Variants in FANCC observed in about 807,000 individuals in gnomAD.
FANCC encodes the protein Fanconi anemia group C protein.
A neutral mutation model predicts 71.3 loss-of-function variants in FANCC; 55 were observed. The observed-to-expected ratio is 0.77, with a 90% confidence interval of 0.62 to 0.97. The LOEUF is 0.97. FANCC is among the 50% of genes least tolerant of loss of function. The pLI, the probability that FANCC is intolerant of heterozygous loss-of-function variation, is 0.00. For synonymous variants in FANCC, 275 were observed against 244.9 expected, an observed-to-expected ratio of 1.12 and a Z score of -1.15; for missense variants, 678 against 670.9, an observed-to-expected ratio of 1.01 and a Z score of -0.12.
At chr9:95,110,511 A>G in intron 13 of FANCC, 1 of 1,030,812 alleles carries the variant, frequency 9.7e-7, no homozygotes, top group Non-Finnish European at 1.2e-6. Context: ...TACGTGGGTT[A>G]TAATTTTTTC....
chr9:95,163,610 G>GAA (rs1480813326), intron 6 of FANCC, among the ~76,000 whole-genome samples: 4 of 152,208 alleles, frequency 2.6e-5, no homozygotes, highest in Non-Finnish European at 1.5e-5. Context: ...AGAACTTTGG[G>GAA]AGGCCAAGGC....
intron 4 of FANCC, among the ~76,000 whole-genome samples, chr9:95,223,352 C>A (rs1829401700): frequency 1.3e-5 from 2 of 152,210 alleles, no homozygotes; most frequent in Non-Finnish European, 2.9e-5. Context: ...GAAGCATCAG[C>A]TGAGCTCTTT....
At chr9:95,302,363 G>C (rs767487828) in intron 1 of FANCC, among the ~76,000 whole-genome samples, 2 of 152,132 alleles carry the variant, frequency 1.3e-5, no homozygotes, top group Non-Finnish European at 2.9e-5. Flanking sequence ...CAGGGCAAAT[G>C]ATGTGAAATT....
intron 1 of FANCC, among the ~76,000 whole-genome samples, chr9:95,254,339 G>A (rs1831526710): frequency 6.6e-6 from 1 of 152,238 alleles, no homozygotes. Flanking sequence ...CAGGATCAAT[G>A]CAGAAGGCAG....
chr9:95,118,451 T>C (rs1588075365), intron 10 of FANCC, among the ~76,000 whole-genome samples: 1 of 152,238 alleles, frequency 6.6e-6, no homozygotes, highest in African/African-American at 2.4e-5. Context: ...CTATAACGCA[T>C]GGAGTGCATG....
At chr9:95,287,569 T>G (rs1027485970) in intron 1 of FANCC, among the ~76,000 whole-genome samples, 1 of 152,186 alleles carries the variant, frequency 6.6e-6, no homozygotes, top group African/African-American at 2.4e-5. Context: ...CCACAGACAA[T>G]GTCTGCCTCT....
intron 1 of FANCC, among the ~76,000 whole-genome samples, chr9:95,255,863 C>T (rs995811754): frequency 9.2e-5 from 14 of 151,756 alleles, no homozygotes; most frequent in African/African-American, 3.4e-4. Flanking sequence ...CTGAAAAACA[C>T]GTCATGAGAA....
intron 4 of FANCC, among the ~76,000 whole-genome samples, chr9:95,184,898 A>G (rs1326909250): frequency 6.6e-6 from 1 of 152,236 alleles, no homozygotes; most frequent in Non-Finnish European, 1.5e-5. Context: ...TACCAAGTAC[A>G]GTAAAGCTAA....
At chr9:95,139,039 A>C (rs529602156) in intron 7 of FANCC, among the ~76,000 whole-genome samples, 6 of 152,344 alleles carry the variant, frequency 3.9e-5, no homozygotes, top group African/African-American at 1.4e-4. Flanking sequence ...CCCTGAATGA[A>C]GGAATCGCCG....
intron 3 of FANCC, among the ~76,000 whole-genome samples, chr9:95,243,914 T>C (rs921292359): frequency 8.5e-5 from 13 of 152,260 alleles, no homozygotes; most frequent in African/African-American, 2.9e-4. Flanking sequence ...TGGAGTTTCA[T>C]GCCATTCAGC....
At chr9:95,211,486 T>C (rs1828495519) in intron 4 of FANCC, among the ~76,000 whole-genome samples, 2 of 152,178 alleles carry the variant, frequency 1.3e-5, no homozygotes, top group Admixed American at 1.3e-4. Context: ...TCTGTGCATA[T>C]GAAAGGGCAG....
At chr9:95,271,918 A>G (rs550411015) in intron 1 of FANCC, among the ~76,000 whole-genome samples, 4 of 101,332 alleles carry the variant, frequency 3.9e-5, no homozygotes, top group Non-Finnish European at 8.2e-5. Flanking sequence ...CAATCCCATC[A>G]AGCCTCTTCT....
intron 1 of FANCC, among the ~76,000 whole-genome samples, chr9:95,300,844 T>C (rs1026822415): frequency 1.4e-4 from 22 of 152,124 alleles, no homozygotes; most frequent in African/African-American, 5.3e-4. Context: ...CATCAGCGAC[T>C]GGGGGCTGGA....
At chr9:95,290,367 T>C (rs577456924) in intron 1 of FANCC, among the ~76,000 whole-genome samples, 5 of 152,306 alleles carry the variant, frequency 3.3e-5, no homozygotes, top group African/African-American at 1.2e-4. Context: ...CAATGATATC[T>C]TTCTGTCAGC....
intron 4 of FANCC, among the ~76,000 whole-genome samples, chr9:95,207,875 CGT>C (rs1828232688): frequency 1.3e-5 from 2 of 151,958 alleles, no homozygotes. Flanking sequence ...TGTGTGTGTA[CGT>C]GTGTGTCTGT....
chr9:95,316,620 T>C (rs1835754188), intron 1 of FANCC, among the ~76,000 whole-genome samples: 1 of 152,076 alleles, frequency 6.6e-6, no homozygotes, highest in African/African-American at 2.4e-5. Flanking sequence ...TTTTCCAAGT[T>C]TCAGATTAGA....
At chr9:95,282,318 T>C (rs147489367) in intron 1 of FANCC, among the ~76,000 whole-genome samples, 6 of 152,302 alleles carry the variant, frequency 3.9e-5, no homozygotes, top group Middle Eastern at 3.4e-3. Flanking sequence ...AAGGTCATTA[T>C]ATTAATATAT....
intron 8 of FANCC, among the ~76,000 whole-genome samples, chr9:95,128,604 G>A (rs966679208): frequency 8.5e-5 from 13 of 152,190 alleles, no homozygotes; most frequent in African/African-American, 2.9e-4. Flanking sequence ...AAGGAAGACA[G>A]CTCTTACTCA....
At position 95,253,970 on chromosome 9, in the gene FANCC, G is replaced by A. The variant is rs561940662; in HGVS notation, c.-78-4601C>T. ...TGCCGCCACTGATCTGACAGGGAGC[G>A]GAGCTCAACCAGTGATGCTCACTGG... is the stretch of plus-strand genomic sequence containing the variant. On this transcript the variant is annotated intron_variant, in intron 1 of 14. Coordinates refer to ENST00000289081, the MANE Select transcript of FANCC (RefSeq NM_000136.3). Among the ~76,000 whole-genome samples, 24 of 152,310 alleles carry A rather than the reference G, an allele frequency of 1.6e-4. No individual in the cohort carries two copies. In the South Asian group the frequency reaches 4.6e-3, roughly 29 times the overall value.
Sources: gnomAD v4.1 joint callset for allele counts (sites outside exome capture counted in the v4.1 genomes callset) on GRCh38, gnomAD v4.1.1 for gene constraint, MANE v1.5 for transcripts, NCBI Gene and HGNC (gene_info 2026-07-23, HGNC 2026-07-21) for gene names.